CSMD2: variants seen among roughly 807,000 people sequenced by gnomAD.
CSMD2 encodes the protein CUB and Sushi multiple domains 2.
In CSMD2, 130 loss-of-function variants were observed where a neutral mutation model predicts 398.5. The ratio of observed to expected loss-of-function variants is 0.33; its 90% CI spans 0.28 to 0.38. The LOEUF is 0.38. CSMD2 is among the 10% of genes least tolerant of loss of function. The pLI, the probability that CSMD2 is intolerant of heterozygous loss-of-function variation, is 1.00. For missense variants in CSMD2, 3,829 were observed against 4,764.9 expected, an observed-to-expected ratio of 0.80 and a Z score of 5.78; for synonymous variants, 1,828 against 1,908.5, an observed-to-expected ratio of 0.96 and a Z score of 1.10.
intron 5 of CSMD2, among the ~76,000 whole-genome samples, chr1:33,906,340 G>A (rs1469022274): frequency 6.6e-6 from 1 of 152,210 alleles, no homozygotes; most frequent in East Asian, 1.9e-4. Flanking sequence ...GAAAGCTTTT[G>A]CCTGGGGCTT....
At chr1:33,875,874 AT>A (rs1640806160) in intron 5 of CSMD2, among the ~76,000 whole-genome samples, 1 of 152,150 alleles carries the variant, frequency 6.6e-6, no homozygotes, top group South Asian at 2.1e-4. Flanking sequence ...TGAATTCATG[AT>A]GTTGAAATGG....
At chr1:33,965,127 T>C (rs1365105310) in intron 3 of CSMD2, among the ~76,000 whole-genome samples, 2 of 152,236 alleles carry the variant, frequency 1.3e-5, no homozygotes, top group African/African-American at 2.4e-5. Context: ...GTAAACCTTA[T>C]GGAGCTTGAA....
chr1:33,735,601 C>G (rs562042241), intron 15 of CSMD2, among the ~76,000 whole-genome samples: 41 of 152,242 alleles, frequency 2.7e-4, no homozygotes, highest in Admixed American at 7.2e-4. Context: ...CCCACACAGT[C>G]GAAAATACTT....
At chr1:33,738,956 C>T (rs753816978) in intron 15 of CSMD2, among the ~76,000 whole-genome samples, 184 bp downstream of exon 15, 1 of 150,942 alleles carries the variant, frequency 6.6e-6, no homozygotes, top group African/African-American at 2.4e-5. Flanking sequence ...AATTTAAATT[C>T]CTACGCACAG....
intron 22 of CSMD2, among the ~76,000 whole-genome samples, chr1:33,701,831 T>C (rs1175909428): frequency 6.6e-6 from 1 of 152,212 alleles, no homozygotes; most frequent in Non-Finnish European, 1.5e-5. Context: ...CCGAAACATA[T>C]GGAAATCAAT....
At chr1:34,154,270 C>T (rs1267081364) in intron 1 of CSMD2, among the ~76,000 whole-genome samples, 1 of 152,142 alleles carries the variant, frequency 6.6e-6, no homozygotes, top group African/African-American at 2.4e-5. Flanking sequence ...AAGACAGAAA[C>T]TCTTGGGCAC....
At chr1:33,890,296 TC>T (rs1641912648) in intron 5 of CSMD2, among the ~76,000 whole-genome samples, 1 of 147,882 alleles carries the variant, frequency 6.8e-6, no homozygotes, top group Non-Finnish European at 1.5e-5. Context: ...AGTGGAGCGA[TC>T]GTTGCTCACT....
chr1:33,606,036 A>G, intron 41 of CSMD2: 5 of 1,577,662 alleles, frequency 3.2e-6, no homozygotes, highest in Non-Finnish European at 4.3e-6. Context: ...GGGCTAAGGG[A>G]CGTGTGGCTG....
At chr1:33,622,405 C>T (rs1455967077) in intron 36 of CSMD2, 134 bp from the exon 37 acceptor site, 1 of 666,220 alleles carries the variant, frequency 1.5e-6, no homozygotes, top group Non-Finnish European at 2.7e-6. Context: ...AGTTATGAAA[C>T]TCACTAAATG....
intron 6 of CSMD2, among the ~76,000 whole-genome samples, chr1:33,832,380 G>C (rs762462495): frequency 1.4e-5 from 2 of 146,560 alleles, no homozygotes; most frequent in Non-Finnish European, 3.0e-5. Flanking sequence ...GCTCAACTAC[G>C]TGGAAACTGA....
chr1:34,028,678 T>G (rs949619895), intron 3 of CSMD2, among the ~76,000 whole-genome samples: 6 of 152,214 alleles, frequency 3.9e-5, no homozygotes, highest in African/African-American at 1.4e-4. Context: ...AGCATGTACT[T>G]CTGTAAGATG....
intron 65 of CSMD2, among the ~76,000 whole-genome samples, chr1:33,525,753 C>T (rs543534065): frequency 9.4e-4 from 142 of 151,522 alleles, no homozygotes; most frequent in South Asian, 5.4e-3. Context: ...GGTGTGATCT[C>T]GGCTCACTGC....
intron 4 of CSMD2, among the ~76,000 whole-genome samples, chr1:33,927,576 C>T (rs1644169835): frequency 6.6e-6 from 1 of 152,164 alleles, no homozygotes; most frequent in Non-Finnish European, 1.5e-5. Context: ...CTTGTGGTCA[C>T]ATAGCTACTA....
At chr1:33,669,780 T>C (rs1463870303) in intron 25 of CSMD2, among the ~76,000 whole-genome samples, 1 of 151,650 alleles carries the variant, frequency 6.6e-6, no homozygotes, top group Non-Finnish European at 1.5e-5. Context: ...ATCCAATGAC[T>C]GATATCGTAA....
chr1:33,626,523 G>A lies in CSMD2; in HGVS notation c.5259C>T (p.Gly1753=), dbSNP rs760251672. The part of the protein sequence containing the change: ...NQVLIKFSAK[G]LAPARGFHFV... ...AGTGGAAGCCTCTGGCTGGTGCGAG[G>A]CCTTTGGCGCTGAACTTAATGAGAA... The change falls in exon 33 of 71, where the codon GGC becomes GGT. Residue 1753 remains glycine, a synonymous_variant. Coordinates refer to ENST00000373381, the MANE Select transcript of CSMD2 (RefSeq NM_001281956.2). The A allele has an allele frequency of 5.0e-6, 8 of 1,609,322 alleles. No homozygotes were observed. Among genetic ancestry groups the A allele is most frequent in the South Asian group, 1.1e-5 (1 of 89,420 alleles).
intron 25 of CSMD2, among the ~76,000 whole-genome samples, chr1:33,685,630 TC>T (rs1278735591): frequency 1.3e-5 from 2 of 152,196 alleles, no homozygotes; most frequent in African/African-American, 2.4e-5. Context: ...TCCAGCCACG[TC>T]AAGTGAGTGC....
intron 6 of CSMD2, 145 bp from the exon 7 acceptor site, chr1:33,825,919 G>A: frequency 3.0e-6 from 2 of 657,246 alleles, no homozygotes; most frequent in East Asian, 2.7e-5. Context: ...CATTCCAAGG[G>A]TAGTGGTCAA....
intron 3 of CSMD2, among the ~76,000 whole-genome samples, chr1:33,960,717 G>A (rs181707225): frequency 1.2e-4 from 18 of 152,330 alleles, no homozygotes; most frequent in Non-Finnish European, 1.9e-4. Flanking sequence ...GGAATCAGAC[G>A]CCTCCTCTCC....
intron 12 of CSMD2, among the ~76,000 whole-genome samples, chr1:33,786,897 C>T (rs1345406794): frequency 6.6e-6 from 1 of 152,186 alleles, no homozygotes; most frequent in Non-Finnish European, 1.5e-5. Flanking sequence ...ATGGGGTGAA[C>T]TGTGTTCCCC....
Sources: allele counts gnomAD v4.1 joint callset (sites outside exome capture counted in the v4.1 genomes callset), GRCh38; gene constraint gnomAD v4.1.1; transcripts MANE v1.5; gene names NCBI Gene and HGNC (gene_info 2026-07-23, HGNC 2026-07-21).